SNCG: variants seen among roughly 807,000 people sequenced by gnomAD.
SNCG encodes synuclein gamma.
SNCG carries 13 observed loss-of-function variants against 16.0 expected under a neutral mutation model. That is an observed-to-expected ratio of 0.81 (90% CI 0.53 to 1.29). The LOEUF is 1.29. SNCG is among the 50% of genes most tolerant of loss of function. The pLI is 0.00. For missense variants in SNCG, 154 were observed against 168.5 expected, an observed-to-expected ratio of 0.91 and a Z score of 0.48; for synonymous variants, 66 against 66.3, an observed-to-expected ratio of 1.00 and a Z score of 0.02.
At chr10:86,956,468 C>T (rs1004470161), upstream of SNCG, among the ~76,000 whole-genome samples, 1 of 152,190 alleles carries the variant, frequency 6.6e-6, no homozygotes, top group African/African-American at 2.4e-5. Flanking sequence ...ATGTAGATGC[C>T]CTTAGCCAAA....
At chr10:86,962,877 C>T in intron 4 of SNCG, 88 bp from the exon 5 acceptor site, 1 of 1,461,782 alleles carries the variant, frequency 6.8e-7, no homozygotes, top group Non-Finnish European at 9.3e-7. Flanking sequence ...AGGCATGGGG[C>T]ACAGAAGACA....
chr10:86,960,159 C>G, intron 3 of SNCG, 31 bp downstream of exon 3: 1 of 1,589,872 alleles, frequency 6.3e-7, no homozygotes, highest in Non-Finnish European at 8.6e-7. Context: ...CTGCCCAGTC[C>G]TCTCCTGGGC....
upstream of SNCG, chr10:86,957,298 G>T: frequency 6.9e-7 from 1 of 1,446,924 alleles, no homozygotes; most frequent in Non-Finnish European, 9.7e-7. Flanking sequence ...ACCCCAGTGA[G>T]GTCTAGAGAG....
At position 86,958,754 on chromosome 10, in the gene SNCG, G is replaced by A. The variant is rs758173640; in HGVS notation, c.57G>A (p.Val19=). The A allele has an allele frequency of 1.9e-6, 3 of 1,613,876 alleles. No homozygotes were observed. In the Admixed American group the frequency reaches 5.0e-5, roughly 27 times the overall value. Residue 19 remains valine (V), a synonymous_variant, in exon 1 of 5, where the codon GTG becomes GTA. Coordinates refer to ENST00000372017, the MANE Select transcript of SNCG (RefSeq NM_003087.3). ...SIAKEGVVGA[V]EKTKQGVTEA... ...CCAAGGAGGGCGTGGTGGGTGCGGT[G>A]GAAAAGACCAAGCAGGGGGTGACGG...
At position 86,959,606 on chromosome 10, in the gene SNCG, G is replaced by C; in HGVS notation, c.122-27G>C. 1.2e-6 allele frequency: 2 copies of C among 1,612,620 alleles called. No homozygotes were observed. The highest frequency in any genetic ancestry group is 1.7e-6 in the Non-Finnish European group (2 of 1,178,978). ...GCCCCCAACACCTCGAGGGAGGTCT[G>C]GGCTGACAGCTCCATTTCCTCCCCA... On this transcript the variant is annotated intron_variant, in intron 1 of 4. Coordinates refer to ENST00000372017, the MANE Select transcript of SNCG (RefSeq NM_003087.3). This position sits in a 1 kb window ranked among gnomAD's most constrained non-coding sequence, Gnocchi z 4.3.
In SNCG at chr10:86,959,294, G is replaced by T; in HGVS notation, c.122-339G>T. On this transcript the variant is annotated intron_variant, in intron 1 of 4. Transcript: ENST00000372017. The surrounding 1 kb of genome is among the most constrained non-coding windows in gnomAD (Gnocchi z 4.3). ...TCCTGGCACTCTCCAGAGGAGGAAGGGGAGGTCAAGCCAATGACTCAGCTC... is the reference window on the plus strand; with the variant it reads ...TCCTGGCACTCTCCAGAGGAGGAAGTGGAGGTCAAGCCAATGACTCAGCTC... 5 of 460,132 alleles carry T rather than the reference G, an allele frequency of 1.1e-5. No individual in the cohort carries two copies. The South Asian group carries it at 1.5e-4, about 14-fold the overall frequency. 28.5% of individuals were successfully genotyped at this position (460,132 alleles called of 1,614,324 possible).
chr10:86,957,918 C>A, upstream of SNCG: 1 of 1,054,812 alleles, frequency 9.5e-7, no homozygotes, highest in Non-Finnish European at 1.1e-6. Flanking sequence ...CTCAGGGGAC[C>A]TGCTGCCCAT....
upstream of SNCG, chr10:86,957,536 G>A: frequency 6.2e-7 from 1 of 1,608,406 alleles, no homozygotes; most frequent in East Asian, 2.2e-5. Flanking sequence ...GCAAGCTCAG[G>A]ATCATCTTGG....
At chr10:86,961,286 C>T (rs939280336) in intron 3 of SNCG, among the ~76,000 whole-genome samples, 1 of 152,142 alleles carries the variant, frequency 6.6e-6, no homozygotes, top group Non-Finnish European at 1.5e-5. Context: ...GTCGTATGAC[C>T]TTGAGAAGCA....
At chr10:86,957,700 C>T (rs754750189), upstream of SNCG, 7 of 1,325,698 alleles carry the variant, frequency 5.3e-6, no homozygotes, top group Non-Finnish European at 7.0e-6. Flanking sequence ...TGGGTCTTGT[C>T]CTGCCCCCCA....
rs367631272 is a variant in SNCG at position 86,958,946 on chromosome 10, G to A, written c.121+128G>A. 7.6e-6 allele frequency: 8 copies of A among 1,054,796 alleles called. No homozygotes were observed. In the East Asian group the frequency reaches 7.6e-5, roughly 10 times the overall value. The allele number at this position is 1,054,796 out of a possible 1,614,324, so 65.3% of individuals were successfully genotyped here. On this transcript the variant is annotated intron_variant, in intron 1 of 4. Transcript: ENST00000372017. ...AGGGGGCGAGGCCCTGGCTATCAAG[G>A]TGGGGTCTCCAGACCCTGGAGCACC...
chr10:86,961,572 G>A (rs959155379), intron 3 of SNCG, among the ~76,000 whole-genome samples: 2 of 152,148 alleles, frequency 1.3e-5, no homozygotes, highest in African/African-American at 4.8e-5. Flanking sequence ...TCCCGGAGCA[G>A]GGCTAGTGAG....
upstream of SNCG, chr10:86,957,335 A>G: frequency 6.2e-6 from 10 of 1,604,468 alleles, no homozygotes; most frequent in Non-Finnish European, 8.5e-6. Flanking sequence ...GCTGGGACTC[A>G]GATCCTACTC....
At chr10:86,956,657 A>G (rs997176340), upstream of SNCG, among the ~76,000 whole-genome samples, 1 of 152,158 alleles carries the variant, frequency 6.6e-6, no homozygotes, top group African/African-American at 2.4e-5. Context: ...CTCCTCTGTA[A>G]GTGGGGCTGT....
upstream of SNCG, among the ~76,000 whole-genome samples, chr10:86,956,171 A>G (rs1039006874): frequency 1.4e-4 from 5 of 36,710 alleles, no homozygotes; most frequent in African/African-American, 2.2e-4. Flanking sequence ...CCGCCCCACC[A>G]CCGAGAATCA....
At chr10:86,957,649 G>A, upstream of SNCG, 1 of 1,425,436 alleles carries the variant, frequency 7.0e-7, no homozygotes, top group African/African-American at 1.4e-5. Context: ...GAAAATACGA[G>A]GACAACAAAG....
At position 86,959,363 on chromosome 10, in the gene SNCG, C is replaced by G; in HGVS notation, c.122-270C>G. 1 of 565,288 alleles carries G rather than the reference C, an allele frequency of 1.8e-6. No homozygotes were observed. The highest frequency in any genetic ancestry group is 2.2e-5 in the South Asian group (1 of 46,282). The allele number at this position is 565,288 out of a possible 1,614,324, so 35.0% of individuals were successfully genotyped here. Reference sequence around the variant, plus strand: ...TGCTGCTTCTGAGGCCCGGCCACACCCGGGCAGGGGCTGGACCCTGGGTCT... The same window carrying G: ...TGCTGCTTCTGAGGCCCGGCCACACGCGGGCAGGGGCTGGACCCTGGGTCT... On this transcript the variant is annotated intron_variant, in intron 1 of 4. Transcript: ENST00000372017. The surrounding 1 kb of genome is among the most constrained non-coding windows in gnomAD (Gnocchi z 4.3).
intron 3 of SNCG, among the ~76,000 whole-genome samples, chr10:86,961,235 T>G (rs1421653322): frequency 6.6e-6 from 1 of 152,140 alleles, no homozygotes; most frequent in Non-Finnish European, 1.5e-5. Context: ...CTCCATGTCC[T>G]TGGAGCTGGC....
At chr10:86,956,441 C>G (rs558701281), upstream of SNCG, among the ~76,000 whole-genome samples, 88 of 152,334 alleles carry the variant, frequency 5.8e-4, no homozygotes, top group African/African-American at 1.9e-3. Context: ...TTGGCCCCCC[C>G]CTCACTCCCT....
Sources: gnomAD v4.1 joint callset for allele counts (sites outside exome capture counted in the v4.1 genomes callset) on GRCh38, gnomAD v4.1.1 for gene constraint, Gnocchi (gnomAD v3.1) non-coding constraint, MANE v1.5 for transcripts, NCBI Gene and HGNC (gene_info 2026-07-23, HGNC 2026-07-21) for gene names.